The following OR5T1 variants were observed in gnomAD, a reference collection of about 807,000 sequenced individuals.
The protein encoded by OR5T1 is olfactory receptor family 5 subfamily T member 1.
In OR5T1, 14 loss-of-function variants were observed where a neutral mutation model predicts 10.1. The observed-to-expected ratio is 1.39, with a 90% confidence interval of 0.92 to 2.18. The LOEUF (loss-of-function observed/expected upper bound fraction) is 2.18, where lower values mean the gene tolerates loss of function less well. OR5T1 is among the 30% of genes most tolerant of loss of function. The pLI is 0.00. For synonymous variants in OR5T1, 166 were observed against 141.2 expected (o/e 1.18, Z -1.24); for missense variants, 461 against 383.9 (o/e 1.20, Z -1.68).
chr11:56,276,411 C>T lies in OR5T1; in HGVS notation c.773C>T (p.Thr258Ile), dbSNP rs185734631. 4 of 1,614,078 alleles carry T rather than the reference C, an allele frequency of 2.5e-6. No individual in the cohort carries two copies. The highest frequency in any genetic ancestry group is 3.4e-6 in the Non-Finnish European group (4 of 1,179,980). ...TTCTCTACATGTGGAGCTCACCTAA[C>T]TGGAGTGACAATTTATCATGGGACA... ...KVFSTCGAHLTGVTIYHGTIL... is the reference protein window; with the variant it reads ...KVFSTCGAHLIGVTIYHGTIL... Residue 258 changes from threonine (T) to isoleucine (I), a missense_variant, in exon 3 of 3, where the codon ACT (threonine) becomes ATT (isoleucine). Thr to Ile is a moderately conservative substitution (Grantham distance 89, BLOSUM62 -1). Transcript: ENST00000641665.
chr11:56,276,044 G>C lies in OR5T1; in HGVS notation c.406G>C (p.Val136Leu), dbSNP rs1356244757. 1 of 1,614,176 alleles carries C rather than the reference G, an allele frequency of 6.2e-7. No homozygotes were observed. Among genetic ancestry groups the C allele is most frequent in the Non-Finnish European group, 8.5e-7 (1 of 1,180,034 alleles). Reference sequence around the variant, plus strand: ...GGCTGCAATGGCTTATGATCGCTATGTAGCCATCTACAACCCTCTCCTGTA... The same window carrying C: ...GGCTGCAATGGCTTATGATCGCTATCTAGCCATCTACAACCCTCTCCTGTA... ...LLAAMAYDRYVAIYNPLLYSV... is the reference protein window; with the variant it reads ...LLAAMAYDRYLAIYNPLLYSV... Residue 136 changes from valine (V) to leucine (L), a missense_variant, in exon 3 of 3, where the codon GTA becomes CTA. Val to Leu is a conservative substitution (Grantham distance 32). Transcript: ENST00000641665.
chr11:56,274,816 G>T (rs1410578734), intron 2 of OR5T1, 63 bp downstream of exon 2: 1 of 151,482 alleles, frequency 6.6e-6, no homozygotes, highest in Non-Finnish European at 1.5e-5. Context: ...AAATGGTTTG[G>T]TCAGAAAGAC....
At chr11:56,275,140 G>T (rs1853919676) in intron 2 of OR5T1, among the ~76,000 whole-genome samples, 1 of 152,178 alleles carries the variant, frequency 6.6e-6, no homozygotes, top group African/African-American at 2.4e-5. Context: ...TACACTTTAA[G>T]TTCTGGGGTA....
rs921102359 is a variant in OR5T1 at position 56,274,689 on chromosome 11, C to A, written c.-218C>A. 1 of 151,580 alleles carries A rather than the reference C, an allele frequency of 6.6e-6. No individual in the cohort carries two copies. The highest frequency in any genetic ancestry group is 2.4e-5 in the African/African-American group (1 of 41,292). The allele number at this position is 151,580 out of a possible 1,614,324, so 9.4% of individuals were successfully genotyped here. On this transcript the variant is annotated 5_prime_UTR_variant, in exon 2 of 3. Transcript: ENST00000641665. ...ATAAATGAAAAATGAACACCAAATTCTTTTGGTTTGCAAACAAGGTGCATC... is the reference window on the plus strand; with the variant it reads ...ATAAATGAAAAATGAACACCAAATTATTTTGGTTTGCAAACAAGGTGCATC...
rs1853954910 is a variant in OR5T1, at chr11:56,276,653, G to C, written c.*34G>C. 2 of 1,501,240 alleles carry C rather than the reference G, an allele frequency of 1.3e-6. No individual in the cohort carries two copies. The highest frequency in any genetic ancestry group is 1.8e-6 in the Non-Finnish European group (2 of 1,094,268). 93.0% of individuals were successfully genotyped at this position (1,501,240 alleles called of 1,614,324 possible). On this transcript the variant is annotated 3_prime_UTR_variant, in exon 3 of 3. Transcript: ENST00000641665. Reference sequence around the variant, plus strand: ...TTGAGTAAAGTTGCAAATAATATTGGGTGTCAGTCCACATCTCTATGGTCA... The same window carrying C: ...TTGAGTAAAGTTGCAAATAATATTGCGTGTCAGTCCACATCTCTATGGTCA...
chr11:56,276,003 C>T lies in OR5T1; in HGVS notation c.365C>T (p.Thr122Ile), dbSNP rs757202558. The change falls in exon 3 of 3, where the codon ACA becomes ATA. Residue 122 changes from threonine to isoleucine, a missense_variant. Transcript: ENST00000641665. ...QMFLACTFGT[T>I]ECFLLAAMAY... ...TTTCTTGCTTGTACTTTTGGAACCACAGAATGCTTTCTCTTGGCTGCAATG... is the reference window on the plus strand; with the variant it reads ...TTTCTTGCTTGTACTTTTGGAACCATAGAATGCTTTCTCTTGGCTGCAATG... The T allele has an allele frequency of 7.4e-6, 12 of 1,614,096 alleles. No individual in the cohort carries two copies. In the African/African-American group the frequency reaches 8.0e-5, roughly 11 times the overall value.
chr11:56,274,324 G>T (rs1853909250), intron 1 of OR5T1, among the ~76,000 whole-genome samples, 152 bp downstream of exon 1: 1 of 152,112 alleles, frequency 6.6e-6, no homozygotes, highest in African/African-American at 2.4e-5. Context: ...TACTTTCCAA[G>T]GATCATAGGA....
In OR5T1 at chr11:56,276,166, T is replaced by A; in HGVS notation, c.528T>A (p.Phe176Leu). ...LHATIHTVAT[F>L]SLSFCGSNEI... ...CTACTATACATACAGTGGCTACATT[T>A]AGCCTGTCCTTCTGTGGATCCAATG... The change falls in exon 3 of 3, where the codon TTT (phenylalanine) becomes TTA (leucine). Residue 176 changes from phenylalanine (F) to leucine (L), a missense_variant. By Grantham distance (22) the Phe-to-Leu change is conservative. Coordinates refer to ENST00000641665, the MANE Select transcript of OR5T1 (RefSeq NM_001004745.2). The A allele has an allele frequency of 6.2e-7, 1 of 1,614,184 alleles. No individual in the cohort carries two copies. Among genetic ancestry groups the A allele is most frequent in the Non-Finnish European group, 8.5e-7 (1 of 1,180,028 alleles).
At chr11:56,275,279 G>T (rs550736791) in intron 2 of OR5T1, among the ~76,000 whole-genome samples, 1 of 152,084 alleles carries the variant, frequency 6.6e-6, no homozygotes, top group African/African-American at 2.4e-5. Context: ...CCCACCCTCC[G>T]ACCGGCCCTG....
In OR5T1 at chr11:56,276,646, A is replaced by G. The variant is rs1565096675; in HGVS notation, c.*27A>G. On this transcript the variant is annotated 3_prime_UTR_variant, in exon 3 of 3. Coordinates refer to ENST00000641665, the MANE Select transcript of OR5T1 (RefSeq NM_001004745.2). ...TTTAAAATTGAGTAAAGTTGCAAAT[A>G]ATATTGGGTGTCAGTCCACATCTCT... The G allele has an allele frequency of 5.2e-6, 8 of 1,537,232 alleles. No homozygotes were observed. The highest frequency in any genetic ancestry group is 7.1e-6 in the Non-Finnish European group (8 of 1,124,742).
At position 56,276,491 on chromosome 11, in the gene OR5T1, A is replaced by T. The variant is rs936538810; in HGVS notation, c.853A>T (p.Ile285Leu). Reference sequence around the variant, plus strand: ...CAGCTACACTTCGGACAATGACATGATAGTGTCAATATTTTATACCATTGT... The same window carrying T: ...CAGCTACACTTCGGACAATGACATGTTAGTGTCAATATTTTATACCATTGT... ...SSSYTSDNDM[I>L]VSIFYTIVIP... The change falls in exon 3 of 3, where the codon ATA (isoleucine) becomes TTA (leucine). Residue 285 changes from isoleucine to leucine, a missense_variant. Physicochemically the swap from Ile to Leu is conservative, Grantham distance 5. Coordinates refer to ENST00000641665, the MANE Select transcript of OR5T1 (RefSeq NM_001004745.2). The T allele has an allele frequency of 6.2e-7, 1 of 1,613,966 alleles. No homozygotes were observed. Among genetic ancestry groups the T allele is most frequent in the Non-Finnish European group, 8.5e-7 (1 of 1,179,968 alleles).
Position 56,276,023 on chromosome 11 carries a change from G to T in OR5T1, c.385G>T (p.Ala129Ser), listed in dbSNP as rs1490392618. 2 of 1,614,044 alleles carry T rather than the reference G, an allele frequency of 1.2e-6. No individual in the cohort carries two copies. The highest frequency in any genetic ancestry group is 1.3e-5 in the African/African-American group (1 of 74,916). ...AACCACAGAATGCTTTCTCTTGGCTGCAATGGCTTATGATCGCTATGTAGC... is the reference window on the plus strand; with the variant it reads ...AACCACAGAATGCTTTCTCTTGGCTTCAATGGCTTATGATCGCTATGTAGC... ...FGTTECFLLAAMAYDRYVAIY... is the reference protein window; with the variant it reads ...FGTTECFLLASMAYDRYVAIY... Residue 129 changes from alanine (A) to serine (S), a missense_variant, in exon 3 of 3, where the codon GCA (alanine) becomes TCA (serine). Physicochemically the swap from Ala to Ser is moderately conservative, Grantham distance 99. Coordinates refer to ENST00000641665, the MANE Select transcript of OR5T1 (RefSeq NM_001004745.2).
chr11:56,275,635 T>C lies in OR5T1; in HGVS notation c.-4T>C. ...GCATTTAGTACATATAAACAATAGC[T>C]AAAATGTCAGGGTTGCCTTCAGATA... On this transcript the variant is annotated 5_prime_UTR_variant, in exon 3 of 3. Transcript: ENST00000641665. 3.9e-6 allele frequency: 6 copies of C among 1,554,288 alleles called. No individual in the cohort carries two copies. The highest frequency in any genetic ancestry group is 5.2e-6 in the Non-Finnish European group (6 of 1,155,744).
At position 56,276,248 on chromosome 11, in the gene OR5T1, A is replaced by G. The variant is rs774205673; in HGVS notation, c.610A>G (p.Thr204Ala). ...TCTGCTTGCTATTTCTTGTTCTGAC[A>G]CTCACGTAATCCAGCTTCTATTCTT... is the stretch of plus-strand genomic sequence containing the variant. Reference protein sequence around the residue: ...PPLLAISCSDTHVIQLLFFYF... With the variant: ...PPLLAISCSDAHVIQLLFFYF... Residue 204 changes from threonine to alanine, a missense_variant, in exon 3 of 3, where the codon ACT becomes GCT. Transcript: ENST00000641665. The G allele has an allele frequency of 1.1e-5, 18 of 1,614,016 alleles. No individual in the cohort carries two copies. The East Asian group carries it at 3.6e-4, about 32-fold the overall frequency.
chr11:56,274,450 T>C (rs1175605241), intron 1 of OR5T1, among the ~76,000 whole-genome samples, 186 bp from the exon 2 acceptor site: 1 of 152,138 alleles, frequency 6.6e-6, no homozygotes, highest in Non-Finnish European at 1.5e-5. Flanking sequence ...AGTAAAAGGA[T>C]AGCCATAATT....
chr11:56,275,631 T>C lies in OR5T1; in HGVS notation c.-8T>C. On this transcript the variant is annotated 5_prime_UTR_variant, in exon 3 of 3. Transcript: ENST00000641665. The stretch of plus-strand genomic sequence containing the variant: ...TGTTGCATTTAGTACATATAAACAA[T>C]AGCTAAAATGTCAGGGTTGCCTTCA... The C allele has an allele frequency of 6.5e-7, 1 of 1,548,324 alleles. No homozygotes were observed. Among genetic ancestry groups the C allele is most frequent in the Non-Finnish European group, 8.7e-7 (1 of 1,152,386 alleles).
chr11:56,276,568 G>A lies in OR5T1; in HGVS notation c.930G>A (p.Lys310=), dbSNP rs1237052241. ...IIYSLRNKDV[K]EAIKRLLVRN... ...ACAGTTTGCGGAACAAAGATGTAAA[G>A]GAGGCAATCAAAAGATTGCTTGTGA... Residue 310 remains lysine, a synonymous_variant, in exon 3 of 3, where the codon AAG becomes AAA. Coordinates refer to ENST00000641665, the MANE Select transcript of OR5T1 (RefSeq NM_001004745.2). 1 of 1,612,256 alleles carries A rather than the reference G, an allele frequency of 6.2e-7. No homozygotes were observed. Among genetic ancestry groups the A allele is most frequent in the Non-Finnish European group, 8.5e-7 (1 of 1,179,154 alleles).
In OR5T1 at chr11:56,276,212, A is replaced by G. The variant is rs199872072; in HGVS notation, c.574A>G (p.Asn192Asp). 286 of 1,614,078 alleles carry G rather than the reference A, an allele frequency of 1.8e-4. No individual in the cohort carries two copies. Among genetic ancestry groups the G allele is most frequent in the South Asian group, 7.7e-5 (7 of 91,084 alleles). ...CAATGAAATTAGGCATGTCTTTTGT[A>G]ATATGCCTCCTCTGCTTGCTATTTC... The part of the protein sequence containing the change: ...GSNEIRHVFC[N>D]MPPLLAISCS... The change falls in exon 3 of 3, where the codon AAT (asparagine) becomes GAT (aspartate). Residue 192 changes from asparagine to aspartate, a missense_variant. Coordinates refer to ENST00000641665, the MANE Select transcript of OR5T1 (RefSeq NM_001004745.2).
chr11:56,274,648 A>C lies in OR5T1; in HGVS notation c.-259A>C, dbSNP rs916468566. The C allele has an allele frequency of 6.6e-6, 1 of 152,208 alleles. No homozygotes were observed. The highest frequency in any genetic ancestry group is 6.5e-5 in the Admixed American group (1 of 15,272). 9.4% of individuals were successfully genotyped at this position (152,208 alleles called of 1,614,324 possible). On this transcript the variant is annotated 5_prime_UTR_variant, in exon 2 of 3. Transcript: ENST00000641665. ...ATATTTTTTTCAGGAAAGAAAAGTG[A>C]AACACAAAAGGAAAAATAAATGAAA...
Sources: gnomAD v4.1 joint callset for allele counts (sites outside exome capture counted in the v4.1 genomes callset) on GRCh38, gnomAD v4.1.1 for gene constraint, MANE v1.5 for transcripts, NCBI Gene and HGNC (gene_info 2026-07-23, HGNC 2026-07-21) for gene names.